The following ENPEP variants were observed in gnomAD, a reference collection of about 807,000 sequenced individuals.
ENPEP encodes the protein glutamyl aminopeptidase.
Under a neutral mutation model 114.5 loss-of-function variants are expected in ENPEP, and 103 were observed. The ratio of observed to expected loss-of-function variants is 0.90; its 90% confidence interval spans 0.77 to 1.06. The LOEUF (loss-of-function observed/expected upper bound fraction) is 1.06. Among genes scored for constraint, ENPEP ranks in the 50% least tolerant of loss-of-function variants. ENPEP has a pLI of 0.00. For missense variants in ENPEP, 1,196 were observed against 1,161.3 expected, an observed-to-expected ratio of 1.03 and a Z score of -0.43; for synonymous variants, 420 against 422.0, an observed-to-expected ratio of 1.00 and a Z score of 0.06.
chr4:110,537,618 T>C (rs1726687130), intron 11 of ENPEP, among the ~76,000 whole-genome samples: 1 of 152,240 alleles, frequency 6.6e-6, no homozygotes, highest in Non-Finnish European at 1.5e-5. Context: ...CTGTTAATGT[T>C]GATATTTTGA....
chr4:110,559,664 G>A lies in ENPEP; in HGVS notation c.2660G>A (p.Arg887Lys), dbSNP rs377658225. 6.2e-7 allele frequency: 1 copy of A among 1,613,538 alleles called. No individual in the cohort carries two copies. The highest frequency in any genetic ancestry group is 8.5e-7 in the Non-Finnish European group (1 of 1,179,516). ...YLVNRYTLNN[R>K]NLGRIVTIAE... ...CTCTCCAGATATACACTCAATAACA[G>A]AAACCTTGGCCGAATTGTCACAATA... Residue 887 changes from arginine to lysine, a missense_variant, in exon 19 of 20, where the codon AGA becomes AAA. Arg to Lys is a conservative substitution (Grantham distance 26, BLOSUM62 2). Transcript: ENST00000265162.
Position 110,564,414 on chromosome 4 carries a change from A to G in ENPEP, c.*2856A>G, listed in dbSNP as rs1179920634. 1 of 152,198 alleles carries G rather than the reference A, an allele frequency of 6.6e-6. No individual in the cohort carries two copies. Among genetic ancestry groups the G allele is most frequent in the Non-Finnish European group, 1.5e-5 (1 of 68,040 alleles). The allele number at this position is 152,198 out of a possible 1,614,324, so 9.4% of individuals were successfully genotyped here. ...CTTTTAACCTCTCCATTGTTGTTTC[A>G]TCTATAAAGTAAGGATCAAAATAGT... On this transcript the variant is annotated 3_prime_UTR_variant, in exon 20 of 20. Coordinates refer to ENST00000265162, the MANE Select transcript of ENPEP (RefSeq NM_001977.4).
chr4:110,556,177 T>C (rs1181817996), intron 18 of ENPEP, among the ~76,000 whole-genome samples: 1 of 152,104 alleles, frequency 6.6e-6, no homozygotes, highest in Non-Finnish European at 1.5e-5. Context: ...TTTGCTTTTT[T>C]AAATTCCTGT....
chr4:110,486,987 C>G (rs544376318), intron 1 of ENPEP, among the ~76,000 whole-genome samples: 1 of 151,764 alleles, frequency 6.6e-6, no homozygotes, highest in African/African-American at 2.4e-5. Flanking sequence ...CATAGAGGGT[C>G]GAAGTGAGTT....
intron 14 of ENPEP, 110 bp downstream of exon 14, chr4:110,548,436 A>C: frequency 1.1e-6 from 1 of 883,700 alleles, no homozygotes; most frequent in Non-Finnish European, 1.6e-6. Flanking sequence ...TTTGCTTGCC[A>C]GGTGGAATCA....
chr4:110,484,668 T>C (rs1453140170), intron 1 of ENPEP, among the ~76,000 whole-genome samples: 3 of 150,768 alleles, frequency 2.0e-5, no homozygotes, highest in African/African-American at 7.3e-5. Flanking sequence ...AGAATGTCTT[T>C]TAAAGAGAGA....
chr4:110,489,465 G>C (rs1724622284), intron 2 of ENPEP, among the ~76,000 whole-genome samples: 1 of 152,080 alleles, frequency 6.6e-6, no homozygotes, highest in Non-Finnish European at 1.5e-5. Flanking sequence ...GTAGATGACA[G>C]GTTGATGGGT....
intron 3 of ENPEP, among the ~76,000 whole-genome samples, chr4:110,492,796 G>T (rs1724777342): frequency 6.6e-6 from 1 of 152,120 alleles, no homozygotes; most frequent in Non-Finnish European, 1.5e-5. Flanking sequence ...GTCAAGCTTG[G>T]TTTTTTCTTT....
chr4:110,531,459 T>C (rs1250196711), intron 11 of ENPEP, among the ~76,000 whole-genome samples, 182 bp downstream of exon 11: 2 of 152,176 alleles, frequency 1.3e-5, no homozygotes. Flanking sequence ...CCTTGAGATA[T>C]TCTTTTCAAT....
intron 7 of ENPEP, among the ~76,000 whole-genome samples, 164 bp from the exon 8 acceptor site, chr4:110,515,213 G>T (rs1725716595): frequency 6.6e-6 from 1 of 152,106 alleles, no homozygotes; most frequent in African/African-American, 2.4e-5. Context: ...GTGCCAAGTG[G>T]TATTTTCATC....
intron 11 of ENPEP, 135 bp downstream of exon 11, chr4:110,531,412 T>A: frequency 4.8e-6 from 3 of 630,332 alleles, no homozygotes; most frequent in Non-Finnish European, 6.8e-6. Context: ...AATTTATTGA[T>A]GATTCCAAAT....
Position 110,564,747 on chromosome 4 carries a change from A to G in ENPEP, c.*3189A>G, listed in dbSNP as rs1727774224. On this transcript the variant is annotated 3_prime_UTR_variant, in exon 20 of 20. Transcript: ENST00000265162. ...CCATTGTAGTCTAGCATGGTATGTG[A>G]CTTGCTTTGGCCAGTGAAACAGAGT... is the stretch of plus-strand genomic sequence containing the variant. The G allele has an allele frequency of 6.6e-6, 1 of 152,162 alleles. No homozygotes were observed. Among genetic ancestry groups the G allele is most frequent in the Non-Finnish European group, 1.5e-5 (1 of 68,032 alleles). The allele number at this position is 152,162 out of a possible 1,614,324, so 9.4% of individuals were successfully genotyped here.
intron 18 of ENPEP, among the ~76,000 whole-genome samples, chr4:110,554,954 G>A (rs115189645): frequency 0.014 from 2,187 of 151,952 alleles, 23 homozygotes; most frequent in Admixed American, 0.018. Flanking sequence ...TTCAAATAAT[G>A]CATTTTTCAT....
In ENPEP at chr4:110,561,884, G is replaced by A; in HGVS notation, c.*326G>A. 1.2e-5 allele frequency: 2 copies of A among 173,160 alleles called. No individual in the cohort carries two copies. Among genetic ancestry groups the A allele is most frequent in the Admixed American group, 6.1e-5 (1 of 16,312 alleles). 10.7% of individuals were successfully genotyped at this position (173,160 alleles called of 1,614,324 possible). ...TTAAATCTGTGAAGTAGAACAATTTGGTCTTAGCTTTACATTTTCAGTACC... is the reference window on the plus strand; with the variant it reads ...TTAAATCTGTGAAGTAGAACAATTTAGTCTTAGCTTTACATTTTCAGTACC... On this transcript the variant is annotated 3_prime_UTR_variant, in exon 20 of 20. Transcript: ENST00000265162.
intron 2 of ENPEP, among the ~76,000 whole-genome samples, chr4:110,490,762 A>G (rs1229016451): frequency 2.0e-5 from 3 of 152,198 alleles, no homozygotes; most frequent in Non-Finnish European, 4.4e-5. Flanking sequence ...GTAGACAGAT[A>G]AACTCCTATT....
intron 11 of ENPEP, among the ~76,000 whole-genome samples, 186 bp from the exon 12 acceptor site, chr4:110,542,565 A>G (rs1014061817): frequency 6.6e-5 from 10 of 152,120 alleles, no homozygotes; most frequent in Admixed American, 2.6e-4. Context: ...CTCACTCATT[A>G]TAGTGGTATT....
intron 3 of ENPEP, among the ~76,000 whole-genome samples, chr4:110,503,749 T>C (rs1314442552): frequency 6.6e-6 from 1 of 152,184 alleles, no homozygotes; most frequent in Non-Finnish European, 1.5e-5. Context: ...GTTGATTTCT[T>C]TCCTGGATGT....
chr4:110,513,293 T>A (rs1189635398), intron 6 of ENPEP, 122 bp from the exon 7 acceptor site: 1 of 1,096,212 alleles, frequency 9.1e-7, no homozygotes. Context: ...GAAGACCTAA[T>A]GTTTAAGTAA....
At position 110,562,802 on chromosome 4, in the gene ENPEP, T is replaced by C. The variant is rs1727721521; in HGVS notation, c.*1244T>C. 6.6e-6 allele frequency: 1 copy of C among 152,188 alleles called. No homozygotes were observed. Among genetic ancestry groups the C allele is most frequent in the Non-Finnish European group, 1.5e-5 (1 of 68,000 alleles). 9.4% of individuals were successfully genotyped at this position (152,188 alleles called of 1,614,324 possible). A position where few individuals can be genotyped will look rare whatever the true frequency, so the allele number is the denominator to read the frequency against. On this transcript the variant is annotated 3_prime_UTR_variant, in exon 20 of 20. Transcript: ENST00000265162. ...TAAGTTACTATGTTTCAATCTGCTA[T>C]ATCTAGAAAATCTAAATTTATTTGG... is the stretch of plus-strand genomic sequence containing the variant.
Sources: gnomAD v4.1 joint callset for allele counts (sites outside exome capture counted in the v4.1 genomes callset) on GRCh38, gnomAD v4.1.1 for gene constraint, MANE v1.5 for transcripts, NCBI Gene and HGNC (gene_info 2026-07-23, HGNC 2026-07-21) for gene names.